Variants in GALNT5 observed in about 807,000 individuals in gnomAD.
GALNT5 encodes UDP-GalNAc:polypeptide N-acetylgalactosaminyltransferase 5.
A neutral mutation model predicts 85.4 loss-of-function variants in GALNT5; 72 were observed. That is an observed-to-expected ratio of 0.84 (90% CI 0.70 to 1.03). The LOEUF (loss-of-function observed/expected upper bound fraction) is 1.03. Ranked by LOEUF, GALNT5 falls within the 50% of genes least tolerant of loss-of-function variation. The probability of loss-of-function intolerance (pLI) is 0.00; values close to 1 mark genes in which losing one functional copy is unlikely to be tolerated. For missense variants in GALNT5, 1,137 were observed against 1,135.5 expected (o/e 1.00, Z -0.02); for synonymous variants, 404 against 397.0 (o/e 1.02, Z -0.21).
In GALNT5 at chr2:157,284,352, T is replaced by C. The variant is rs551076276; in HGVS notation, c.1525T>C (p.Trp509Arg). The C allele has an allele frequency of 8.1e-6, 13 of 1,613,870 alleles. No individual in the cohort carries two copies. Among genetic ancestry groups the C allele is most frequent in the Non-Finnish European group, 1.1e-5 (13 of 1,179,750 alleles). ...SVIMCFVDEV[W>R]STLLRSVHSV... ...CATCATGTGCTTTGTGGATGAAGTG[T>C]GGTCCACTCTCCTGAGATCTGTTCA... The change falls in exon 2 of 10, where the codon TGG becomes CGG. Residue 509 changes from tryptophan (W) to arginine (R), a missense_variant. Coordinates refer to ENST00000259056, the MANE Select transcript of GALNT5 (RefSeq NM_014568.3).
At position 157,259,470 on chromosome 2, in the gene GALNT5, A is replaced by G. The variant is rs137895533; in HGVS notation, c.1388A>G (p.Asn463Ser). 6.9e-7 allele frequency: 1 copy of G among 1,456,662 alleles called. No individual in the cohort carries two copies. Among genetic ancestry groups the G allele is most frequent in the African/African-American group, 1.4e-5 (1 of 70,536 alleles). The allele number at this position is 1,456,662 out of a possible 1,614,324, so 90.2% of individuals were successfully genotyped here. ...GCAGAAAGAAGATGGAAAGAAGGAAACTTCAATGTCTACCTTAGCGATTTG... is the reference window on the plus strand; with the variant it reads ...GCAGAAAGAAGATGGAAAGAAGGAAGCTTCAATGTCTACCTTAGCGATTTG... ...KEAERRWKEG[N>S]FNVYLSDLIP... Residue 463 changes from asparagine to serine, a missense_variant, in exon 1 of 10, where the codon AAC becomes AGC. Transcript: ENST00000259056.
At chr2:157,261,476 CAT>C (rs899610473) in intron 1 of GALNT5, among the ~76,000 whole-genome samples, 8 of 152,200 alleles carry the variant, frequency 5.3e-5, no homozygotes, top group Admixed American at 2.6e-4. Flanking sequence ...AAAATTGACA[CAT>C]GTGCTTGAGA....
chr2:157,264,419 T>C (rs1422856841), intron 1 of GALNT5, among the ~76,000 whole-genome samples: 1 of 152,220 alleles, frequency 6.6e-6, no homozygotes, highest in Non-Finnish European at 1.5e-5. Flanking sequence ...TCTGGCGTGC[T>C]TGTCTACCAC....
Position 157,286,144 on chromosome 2 carries a change from T to C in GALNT5, c.1741+10T>C, listed in dbSNP as rs1466166675. 6.2e-7 allele frequency: 1 copy of C among 1,601,436 alleles called. No homozygotes were observed. The highest frequency in any genetic ancestry group is 2.2e-5 in the East Asian group (1 of 44,768). On this transcript the variant is annotated intron_variant, in intron 3 of 9. Transcript: ENST00000259056. ...GCACAGAATGCAACAGGTAAGAAGT[T>C]ACTCATTTTTTTGTTTGTTACATTT...
rs117200892 is a variant in GALNT5, at chr2:157,301,333, C to T, written c.2439+334C>T. Among the ~76,000 whole-genome samples, 4 of 152,234 alleles carry T rather than the reference C, an allele frequency of 2.6e-5. No homozygotes were observed. In the East Asian group the frequency reaches 7.7e-4, roughly 29 times the overall value. ...AGAAGAAAGATTATAAACAAATAAG[C>T]AAGTCAAGTGTAAATACAAAATATA... On this transcript the variant is annotated intron_variant, in intron 7 of 9. Coordinates refer to ENST00000259056, the MANE Select transcript of GALNT5 (RefSeq NM_014568.3).
intron 7 of GALNT5, among the ~76,000 whole-genome samples, chr2:157,304,111 C>A (rs970894724): frequency 6.6e-6 from 1 of 152,184 alleles, no homozygotes; most frequent in African/African-American, 2.4e-5. Context: ...GTACAGAGAG[C>A]AATTGCAGCA....
intron 1 of GALNT5, among the ~76,000 whole-genome samples, chr2:157,265,084 C>A (rs1574011146): frequency 6.6e-6 from 1 of 152,070 alleles, no homozygotes; most frequent in East Asian, 1.9e-4. Flanking sequence ...GTAAGCAATG[C>A]AGTGGTGCCT....
intron 7 of GALNT5, 140 bp downstream of exon 7, chr2:157,301,139 G>A: frequency 1.5e-6 from 1 of 654,114 alleles, no homozygotes; most frequent in East Asian, 2.7e-5. Flanking sequence ...GCATGGCTGA[G>A]AATTAAATAT....
At chr2:157,281,552 C>A (rs1426471273) in intron 1 of GALNT5, among the ~76,000 whole-genome samples, 1 of 152,128 alleles carries the variant, frequency 6.6e-6, no homozygotes, top group Non-Finnish European at 1.5e-5. Context: ...GAGAAAGCTC[C>A]TATCAAATTG....
At chr2:157,277,760 C>G (rs1682767219) in intron 1 of GALNT5, among the ~76,000 whole-genome samples, 1 of 152,158 alleles carries the variant, frequency 6.6e-6, no homozygotes, top group Non-Finnish European at 1.5e-5. Context: ...ACTGATGCGT[C>G]TTGACTGTTT....
intron 1 of GALNT5, 111 bp from the exon 2 acceptor site, chr2:157,284,171 T>C: frequency 1.3e-6 from 1 of 778,984 alleles, no homozygotes; most frequent in South Asian, 1.5e-5. Context: ...GACAGATCGA[T>C]GACAGATTAA....
At chr2:157,278,470 C>T (rs1682786792) in intron 1 of GALNT5, among the ~76,000 whole-genome samples, 1 of 152,184 alleles carries the variant, frequency 6.6e-6, no homozygotes, top group African/African-American at 2.4e-5. Flanking sequence ...TAGATTTGGT[C>T]TTTTCACATA....
Position 157,314,781 on chromosome 2 carries a change from A to C in GALNT5, c.*3433A>C, listed in dbSNP as rs1446655058. ...GATTGAATTCCTATATTCAGAATAC[A>C]AGAAAAAAAATTTACCAACCAGGCG... On this transcript the variant is annotated 3_prime_UTR_variant, in exon 10 of 10. Coordinates refer to ENST00000259056, the MANE Select transcript of GALNT5 (RefSeq NM_014568.3). 6.6e-6 allele frequency among the ~76,000 whole-genome samples: 1 copy of C among 152,136 alleles called. No individual in the cohort carries two copies. The highest frequency in any genetic ancestry group is 2.4e-5 in the African/African-American group (1 of 41,438).
At chr2:157,306,938 AT>A (rs1202037840) in intron 8 of GALNT5, among the ~76,000 whole-genome samples, 1 of 152,244 alleles carries the variant, frequency 6.6e-6, no homozygotes, top group African/African-American at 2.4e-5. Context: ...CAAAGAGGAA[AT>A]AAAGTCATAA....
intron 1 of GALNT5, among the ~76,000 whole-genome samples, chr2:157,282,985 G>A (rs1379725154): frequency 6.6e-6 from 1 of 152,088 alleles, no homozygotes; most frequent in African/African-American, 2.4e-5. Flanking sequence ...CTTATTTATG[G>A]AATAAGTAAA....
chr2:157,262,821 T>TG, intron 1 of GALNT5, among the ~76,000 whole-genome samples: 1 of 80,258 alleles, frequency 1.2e-5, no homozygotes, highest in Admixed American at 1.1e-4. Context: ...TCACAACTCT[T>TG]TTTTTTTTTT....
Position 157,300,963 on chromosome 2 carries a change from T to C in GALNT5, c.2403T>C (p.Pro801=), listed in dbSNP as rs769077939. The C allele has an allele frequency of 2.3e-5, 37 of 1,613,908 alleles. No individual in the cohort carries two copies. The highest frequency in any genetic ancestry group is 1.6e-4 in the Middle Eastern group (1 of 6,082). The change falls in exon 7 of 10, where the codon CCT becomes CCC. Residue 801 remains proline, a synonymous_variant. Transcript: ENST00000259056. ...AATGGTACTTGGAGAATGTCTTTCC[T>C]GACTTAAGGGCTCCCATTGTGAGAG... is the stretch of plus-strand genomic sequence containing the variant. ...SFKWYLENVF[P]DLRAPIVRAS... is the part of the protein sequence containing the mutation.
chr2:157,287,295 A>C lies in GALNT5; in HGVS notation c.1741+1161A>C, dbSNP rs140208485. Among the ~76,000 whole-genome samples, 611 of 152,256 alleles carry C rather than the reference A, an allele frequency of 4.0e-3. 3 individuals are homozygous for C. The highest frequency in any genetic ancestry group is 0.014 in the African/African-American group (590 of 41,542). The stretch of plus-strand genomic sequence containing the variant: ...CATCCTTGCTTAAATCAATTATTAC[A>C]CTGAGGACTGAAAATTTGCTTTTCT... On this transcript the variant is annotated intron_variant, in intron 3 of 9. Coordinates refer to ENST00000259056, the MANE Select transcript of GALNT5 (RefSeq NM_014568.3).
At chr2:157,296,267 G>A in intron 4 of GALNT5, 127 bp from the exon 5 acceptor site, 1 of 633,474 alleles carries the variant, frequency 1.6e-6, no homozygotes, top group Non-Finnish European at 2.7e-6. Flanking sequence ...TTATTAAAAG[G>A]TGGTGATCTA....
Sources: allele counts gnomAD v4.1 joint callset (sites outside exome capture counted in the v4.1 genomes callset), GRCh38; gene constraint gnomAD v4.1.1; transcripts MANE v1.5; gene names NCBI Gene and HGNC (gene_info 2026-07-23, HGNC 2026-07-21).